CCDC85C: variants seen among roughly 807,000 people sequenced by gnomAD.
CCDC85C encodes the protein coiled-coil domain containing 85C, also known as coiled-coil domain-containing protein 85C.
Under a neutral mutation model 38.3 loss-of-function variants are expected in CCDC85C, and 18 were observed. The observed-to-expected ratio is 0.47, with a 90% CI of 0.33 to 0.70. The LOEUF (loss-of-function observed/expected upper bound fraction) is 0.70, where lower values mean the gene tolerates loss of function less well. Ranked by LOEUF, CCDC85C falls within the 30% of genes least tolerant of loss-of-function variation. The pLI is 0.03. For synonymous variants in CCDC85C, 264 were observed against 293.8 expected (o/e 0.90, Z 1.04); for missense variants, 566 against 621.2 (o/e 0.91, Z 0.94).
intron 3 of CCDC85C, 48 bp from the exon 4 acceptor site, chr14:99,517,231 A>G: frequency 7.1e-7 from 1 of 1,408,274 alleles, no homozygotes; most frequent in East Asian, 2.5e-5. Flanking sequence ...TGGCTCCCAC[A>G]GGAATGACCG....
Position 99,510,120 on chromosome 14 carries a change from G to C in CCDC85C, c.*5126C>G. On this transcript the variant is annotated 3_prime_UTR_variant, in exon 6 of 6. Coordinates refer to ENST00000380243, the MANE Select transcript of CCDC85C (RefSeq NM_001144995.2). ...AGGCACTGAAAAAGCAACCATTGCT[G>C]GCGGAGGCCGGGCACTGATGCGTCT... The C allele has an allele frequency of 6.4e-7, 1 of 1,563,452 alleles. No individual in the cohort carries two copies. Among genetic ancestry groups the C allele is most frequent in the East Asian group, 2.3e-5 (1 of 43,492 alleles).
intron 1 of CCDC85C, among the ~76,000 whole-genome samples, chr14:99,591,472 G>A (rs1022552810): frequency 2.0e-5 from 3 of 152,202 alleles, no homozygotes; most frequent in African/African-American, 7.2e-5. Flanking sequence ...GAGTGCGCGA[G>A]GGCTGCAGGT....
intron 1 of CCDC85C, among the ~76,000 whole-genome samples, chr14:99,597,619 T>C (rs2055156832): frequency 6.6e-6 from 1 of 152,184 alleles, no homozygotes; most frequent in Non-Finnish European, 1.5e-5. Flanking sequence ...GGGTCTGCCC[T>C]GTGGGGCTGC....
intron 1 of CCDC85C, among the ~76,000 whole-genome samples, chr14:99,571,261 A>G (rs1010079650): frequency 1.1e-4 from 16 of 152,104 alleles, no homozygotes; most frequent in Non-Finnish European, 1.9e-4. Flanking sequence ...GGGCCTCACA[A>G]ACTCCCTCCC....
intron 1 of CCDC85C, among the ~76,000 whole-genome samples, chr14:99,562,864 C>T (rs1898144854): frequency 6.6e-6 from 1 of 150,396 alleles, no homozygotes; most frequent in Non-Finnish European, 1.5e-5. Flanking sequence ...CATATGCACA[C>T]ACACACCCAT....
Position 99,506,967 on chromosome 14 carries a change from C to T in CCDC85C, c.*8279G>A, listed in dbSNP as rs1027319627. On this transcript the variant is annotated 3_prime_UTR_variant, in exon 6 of 6. Transcript: ENST00000380243. ...CAAGTTCCCTTAAAGCCTTGGTCAT[C>T]TCTGTTGTTTTTCTCCCAAAGAAAT... 1 of 783,598 alleles carries T rather than the reference C, an allele frequency of 1.3e-6. No homozygotes were observed. The highest frequency in any genetic ancestry group is 2.3e-6 in the Non-Finnish European group (1 of 428,492). 48.5% of individuals were successfully genotyped at this position (783,598 alleles called of 1,614,324 possible).
chr14:99,557,263 C>T (rs1027344973), intron 1 of CCDC85C, among the ~76,000 whole-genome samples: 5 of 152,216 alleles, frequency 3.3e-5, no homozygotes, highest in African/African-American at 7.2e-5. Context: ...AAAGCCCTTT[C>T]CCAAGGCCCA....
chr14:99,531,829 C>G (rs1897499978), intron 2 of CCDC85C, among the ~76,000 whole-genome samples: 1 of 152,206 alleles, frequency 6.6e-6, no homozygotes. Context: ...AGGCTTAGGA[C>G]AGCATCTCAT....
Position 99,502,229 on chromosome 14 carries a change from C to T in CCDC85C, c.*13017G>A. On this transcript the variant is annotated 3_prime_UTR_variant, in exon 6 of 6. Coordinates refer to ENST00000380243, the MANE Select transcript of CCDC85C (RefSeq NM_001144995.2). ...TAGTCTCTGCACCACCTTGTCACTG[C>T]AGTGGGAACCAGAGATCATAGCAGT... 1 of 1,598,442 alleles carries T rather than the reference C, an allele frequency of 6.3e-7. No homozygotes were observed. The highest frequency in any genetic ancestry group is 8.5e-7 in the Non-Finnish European group (1 of 1,171,918).
chr14:99,590,288 C>G (rs1198148798), intron 1 of CCDC85C, among the ~76,000 whole-genome samples: 1 of 152,196 alleles, frequency 6.6e-6, no homozygotes, highest in African/African-American at 2.4e-5. Flanking sequence ...ATCCCGAGGG[C>G]CTCCTGACCA....
At chr14:99,563,163 C>T (rs1898150433) in intron 1 of CCDC85C, among the ~76,000 whole-genome samples, 1 of 152,250 alleles carries the variant, frequency 6.6e-6, no homozygotes, top group South Asian at 2.1e-4. Context: ...GCCCCCTCCA[C>T]TCCCCAACCC....
chr14:99,567,888 T>C (rs558330562), intron 1 of CCDC85C, among the ~76,000 whole-genome samples: 1 of 152,302 alleles, frequency 6.6e-6, no homozygotes, highest in African/African-American at 2.4e-5. Context: ...CTTGCCACCT[T>C]GGGGCTGGGG....
chr14:99,579,900 G>A (rs1321491185), intron 1 of CCDC85C: 1 of 341,726 alleles, frequency 2.9e-6, no homozygotes, highest in Admixed American at 3.8e-5. Context: ...GTCGCCCAAG[G>A]CCAGGCCACC....
At chr14:99,589,913 G>A (rs540111202) in intron 1 of CCDC85C, among the ~76,000 whole-genome samples, 2 of 152,336 alleles carry the variant, frequency 1.3e-5, no homozygotes, top group Admixed American at 6.5e-5. Flanking sequence ...CGCCCACGGC[G>A]CATTTGCTGC....
chr14:99,517,727 C>T (rs1374323111), intron 3 of CCDC85C, among the ~76,000 whole-genome samples: 1 of 152,206 alleles, frequency 6.6e-6, no homozygotes, highest in African/African-American at 2.4e-5. Context: ...CCAGCTCCCA[C>T]ATCAGGCCTT....
chr14:99,603,968 C>G lies in CCDC85C; in HGVS notation c.-9G>C. 2.3e-6 allele frequency: 3 copies of G among 1,326,534 alleles called. No individual in the cohort carries two copies. Among genetic ancestry groups the G allele is most frequent in the Non-Finnish European group, 1.9e-6 (2 of 1,043,284 alleles). 82.2% of individuals were successfully genotyped at this position (1,326,534 alleles called of 1,614,324 possible). A position where few individuals can be genotyped will look rare whatever the true frequency, so the allele number is the denominator to read the frequency against. Reference sequence around the variant, plus strand: ...GCCGCGGGCTTAGCCATGGCGGGGCCGTCACCGCGGCATCGCCCTCGCCCT... The same window carrying G: ...GCCGCGGGCTTAGCCATGGCGGGGCGGTCACCGCGGCATCGCCCTCGCCCT... On this transcript the variant is annotated 5_prime_UTR_variant, in exon 1 of 6. Coordinates refer to ENST00000380243, the MANE Select transcript of CCDC85C (RefSeq NM_001144995.2). This position sits in a 1 kb window ranked among gnomAD's most constrained non-coding sequence, Gnocchi z 7.5.
intron 1 of CCDC85C, among the ~76,000 whole-genome samples, chr14:99,554,797 G>A (rs946993589): frequency 3.3e-5 from 5 of 152,252 alleles, no homozygotes; most frequent in Admixed American, 1.3e-4. Flanking sequence ...AGTGAGTGGA[G>A]TAGAGTTCAT....
At position 99,516,943 on chromosome 14, in the gene CCDC85C, C is replaced by T; in HGVS notation, c.1071+145G>A. 2 of 748,584 alleles carry T rather than the reference C, an allele frequency of 2.7e-6. No individual in the cohort carries two copies. The highest frequency in any genetic ancestry group is 4.7e-6 in the Non-Finnish European group (2 of 426,330). The allele number at this position is 748,584 out of a possible 1,614,324, so 46.4% of individuals were successfully genotyped here. ...CTCTGAGTTCAACCTCACAGTGCTC[C>T]AGGCAGCCATGGTCACCCAGCCACC... On this transcript the variant is annotated intron_variant, in intron 4 of 5. Coordinates refer to ENST00000380243, the MANE Select transcript of CCDC85C (RefSeq NM_001144995.2). The surrounding 1 kb of genome is among the most constrained non-coding windows in gnomAD (Gnocchi z 5.5).
In CCDC85C at chr14:99,604,055, G is replaced by A. The variant is rs997258087; in HGVS notation, c.-96C>T. The A allele has an allele frequency of 1.2e-5, 12 of 975,342 alleles. No homozygotes were observed. Among genetic ancestry groups the A allele is most frequent in the Non-Finnish European group, 1.3e-5 (11 of 824,714 alleles). 60.4% of individuals were successfully genotyped at this position (975,342 alleles called of 1,614,324 possible). ...GGGCCGGTCCGCGCGCGGGCGGGGG[G>A]CGGCCGGGGGCGCGTGCGGCCCGCC... On this transcript the variant is annotated 5_prime_UTR_variant, in exon 1 of 6. Coordinates refer to ENST00000380243, the MANE Select transcript of CCDC85C (RefSeq NM_001144995.2).
Sources: allele counts gnomAD v4.1 joint callset (sites outside exome capture counted in the v4.1 genomes callset), GRCh38; gene constraint gnomAD v4.1.1; non-coding constraint Gnocchi (gnomAD v3.1); transcripts MANE v1.5; gene names NCBI Gene and HGNC (gene_info 2026-07-23, HGNC 2026-07-21).